Variants in RADIL observed in about 807,000 individuals in gnomAD.
RADIL encodes Rap associating with DIL domain, also known as ras-associating and dilute domain-containing protein.
Under a neutral mutation model 97.6 loss-of-function variants are expected in RADIL, and 99 were observed. The ratio of observed to expected loss-of-function variants is 1.01; its 90% CI spans 0.86 to 1.20. The LOEUF is 1.20. Ranked by LOEUF, RADIL falls within the 50% of genes most tolerant of loss-of-function variation. The pLI is 0.00. For missense variants in RADIL, 1,765 were observed against 1,498.9 expected (o/e 1.18, Z -2.93); for synonymous variants, 803 against 691.8 (o/e 1.16, Z -2.52).
At chr7:4,881,685 C>A (rs1302018646) in intron 1 of RADIL, among the ~76,000 whole-genome samples, 1 of 150,688 alleles carries the variant, frequency 6.6e-6, no homozygotes, top group African/African-American at 2.4e-5. Flanking sequence ...CGAGATCACG[C>A]CACTGCACTC....
At chr7:4,838,067 A>G in intron 2 of RADIL, 1 of 985,312 alleles carries the variant, frequency 1.0e-6, no homozygotes, top group African/African-American at 1.7e-5. Context: ...TGCAGCCCGC[A>G]GGGGGCCAGG....
rs931986694 is a variant in RADIL at position 4,832,056 on chromosome 7, C to A, written c.1454+85G>T. On this transcript the variant is annotated intron_variant, in intron 5 of 14. Transcript: ENST00000399583. ...GAGCTGACCCCAAGGCGTGGGGAGA[C>A]CCCTCGGGACTTGGCTCCCCCGGGA... The A allele has an allele frequency of 3.4e-6, 5 of 1,451,954 alleles. No homozygotes were observed. In the Admixed American group the frequency reaches 7.3e-5, roughly 21 times the overall value. The allele number at this position is 1,451,954 out of a possible 1,614,324, so 89.9% of individuals were successfully genotyped here.
chr7:4,802,591 G>T (rs1473180898), intron 11 of RADIL, among the ~76,000 whole-genome samples: 6 of 130,794 alleles, frequency 4.6e-5, no homozygotes, highest in African/African-American at 1.1e-4. Flanking sequence ...TCTAGCTGGG[G>T]GGCCCCCTCC....
chr7:4,822,407 C>A lies in RADIL; in HGVS notation c.1602G>T (p.Gln534His). 6.2e-7 allele frequency: 1 copy of A among 1,611,530 alleles called. No individual in the cohort carries two copies. The highest frequency in any genetic ancestry group is 1.3e-5 in the African/African-American group (1 of 75,060). ...CGCCAGCCGTACCTGTGATGTCCAG[C>A]TGCTCCTCCATGCTCTGCATGTAGA... ...CPLYMQSMEE[Q>H]LDITGSKESL... The change falls in exon 6 of 15, where the codon CAG (glutamine) becomes CAT (histidine). Residue 534 changes from glutamine (Q) to histidine (H), a missense_variant. Transcript: ENST00000399583. This position sits in a 1 kb window ranked among gnomAD's most constrained non-coding sequence, Gnocchi z 5.3.
intron 5 of RADIL, among the ~76,000 whole-genome samples, chr7:4,831,760 C>T (rs901964430): frequency 7.9e-5 from 12 of 151,606 alleles, no homozygotes; most frequent in African/African-American, 2.4e-4. Context: ...TGGTGGTGCA[C>T]ACCTGCAGTC....
chr7:4,876,904 A>G (rs1432915333), intron 2 of RADIL, among the ~76,000 whole-genome samples: 2 of 152,202 alleles, frequency 1.3e-5, no homozygotes, highest in Non-Finnish European at 2.9e-5. Context: ...CCTGGGACAG[A>G]TTCCTTGATT....
Position 4,880,993 on chromosome 7 carries a change from G to A in RADIL, c.-65+2603C>T, listed in dbSNP as rs1049791536. ...TGTGCACCTGTAGTCCCAGCTACTC[G>A]GGAGGCTGAGGCAGGAGGATCACCG... On this transcript the variant is annotated intron_variant, in intron 1 of 14. Transcript: ENST00000399583. This position sits in a 1 kb window ranked among gnomAD's most constrained non-coding sequence, Gnocchi z 4.5. 2.7e-5 allele frequency among the ~76,000 whole-genome samples: 4 copies of A among 150,914 alleles called. No homozygotes were observed. Among genetic ancestry groups the A allele is most frequent in the Non-Finnish European group, 4.4e-5 (3 of 67,806 alleles).
In RADIL at chr7:4,842,093, AT is replaced by A. The variant is rs1195937329; in HGVS notation, c.536-5489del. ...AGATGCAACAAGGCCAGAGGCTGGAATAGCAGCGTAGGCCTCGTAAGGGACC... is the reference window on the plus strand; with the variant it reads ...AGATGCAACAAGGCCAGAGGCTGGAAAGCAGCGTAGGCCTCGTAAGGGACC... On this transcript the variant is annotated intron_variant, in intron 2 of 14. Coordinates refer to ENST00000399583, the MANE Select transcript of RADIL (RefSeq NM_018059.5). The surrounding 1 kb of genome is among the most constrained non-coding windows in gnomAD (Gnocchi z 4.5). Among the ~76,000 whole-genome samples, 5 of 151,968 alleles carry A rather than the reference AT, an allele frequency of 3.3e-5. No individual in the cohort carries two copies. Among genetic ancestry groups the A allele is most frequent in the Non-Finnish European group, 5.9e-5 (4 of 68,000 alleles).
At position 4,801,980 on chromosome 7, in the gene RADIL, C is replaced by A. The variant is rs1782102099; in HGVS notation, c.2515G>T (p.Val839Phe). The change falls in exon 12 of 15, where the codon GTC (valine) becomes TTC (phenylalanine). Residue 839 changes from valine (V) to phenylalanine (F), a missense_variant. Transcript: ENST00000399583. The stretch of plus-strand genomic sequence containing the variant: ...GGGGCCTCCAGGTGCCCGTCAAGGA[C>A]CACGTGGTGCATACCCTAGGGAGAG... ...PVCPEGMHHVVLDGHLEAPSC... is the reference protein window; with the variant it reads ...PVCPEGMHHVFLDGHLEAPSC... 2 of 1,539,750 alleles carry A rather than the reference C, an allele frequency of 1.3e-6. No homozygotes were observed. The highest frequency in any genetic ancestry group is 1.7e-6 in the Non-Finnish European group (2 of 1,147,942).
chr7:4,803,968 T>A, intron 10 of RADIL: 2 of 651,808 alleles, frequency 3.1e-6, no homozygotes, highest in South Asian at 1.7e-5. Flanking sequence ...CGGTGTGACA[T>A]CCGAGCAGTT....
chr7:4,865,721 G>T (rs770885973), intron 2 of RADIL: 17 of 1,066,564 alleles, frequency 1.6e-5, no homozygotes, highest in Non-Finnish European at 2.5e-5. Flanking sequence ...TCTTCTACGG[G>T]GTGGGTGCAA....
intron 4 of RADIL, 125 bp from the exon 5 acceptor site, chr7:4,832,303 G>A (rs1783166627): frequency 2.2e-6 from 2 of 900,074 alleles, no homozygotes; most frequent in Non-Finnish European, 3.6e-6. Flanking sequence ...GTGTGACGCT[G>A]ACTATTTATT....
intron 5 of RADIL, among the ~76,000 whole-genome samples, chr7:4,827,470 G>A (rs1271378041): frequency 6.6e-6 from 1 of 151,326 alleles, no homozygotes; most frequent in Non-Finnish European, 1.5e-5. Context: ...GACCATCCTG[G>A]CTAACACAGT....
At position 4,820,819 on chromosome 7, in the gene RADIL, G is replaced by A. The variant is rs563636950; in HGVS notation, c.1615+1575C>T. Among the ~76,000 whole-genome samples, 10 of 152,246 alleles carry A rather than the reference G, an allele frequency of 6.6e-5. 1 individual carries two copies. Among genetic ancestry groups the A allele is most frequent in the Admixed American group, 3.3e-4 (5 of 15,302 alleles). On this transcript the variant is annotated intron_variant, in intron 6 of 14. Transcript: ENST00000399583. ...GCCCGGAGGCTGAGGACTGGGCCCC[G>A]ACGCATTGTGGGAGCCTGTCCCACC... is the stretch of plus-strand genomic sequence containing the variant.
At position 4,879,535 on chromosome 7, in the gene RADIL, GAGT is replaced by G. The variant is rs1784442638; in HGVS notation, c.-64-1335_-64-1333del. On this transcript the variant is annotated intron_variant, in intron 1 of 14. Transcript: ENST00000399583. This position sits in a 1 kb window ranked among gnomAD's most constrained non-coding sequence, Gnocchi z 4.1. ...CCTATTTTCTGGAAAGCTCTGGAAA[GAGT>G]GGTCCAGGTCCCAGTGAACACAGCA... is the stretch of plus-strand genomic sequence containing the variant. 1.3e-5 allele frequency among the ~76,000 whole-genome samples: 2 copies of G among 152,198 alleles called. No homozygotes were observed. Among genetic ancestry groups the G allele is most frequent in the Non-Finnish European group, 2.9e-5 (2 of 68,046 alleles).
At chr7:4,846,946 C>G (rs1009492587) in intron 2 of RADIL, among the ~76,000 whole-genome samples, 5 of 152,112 alleles carry the variant, frequency 3.3e-5, no homozygotes, top group African/African-American at 1.2e-4. Context: ...AAAAAATGCT[C>G]AACATCATTA....
intron 2 of RADIL, among the ~76,000 whole-genome samples, chr7:4,876,759 T>C (rs1784386133): frequency 6.6e-6 from 1 of 152,180 alleles, no homozygotes. Context: ...AGACCGACAA[T>C]GATCGGCTGC....
In RADIL at chr7:4,837,886, G is replaced by C; in HGVS notation, c.536-1281C>G. ...GAGCCCTCTGCTGAGTTCCCTGTAC[G>C]CAGCCTTTCAGGTTAAGATCCATCC... On this transcript the variant is annotated intron_variant, in intron 2 of 14. Transcript: ENST00000399583. This position sits in a 1 kb window ranked among gnomAD's most constrained non-coding sequence, Gnocchi z 5.6. 1 of 985,374 alleles carries C rather than the reference G, an allele frequency of 1.0e-6. No individual in the cohort carries two copies. Among genetic ancestry groups the C allele is most frequent in the Middle Eastern group, 5.2e-4 (1 of 1,914 alleles). The allele number at this position is 985,374 out of a possible 1,614,324, so 61.0% of individuals were successfully genotyped here.
At chr7:4,809,235 C>T (rs868718101) in intron 9 of RADIL, 2 of 985,192 alleles carry the variant, frequency 2.0e-6, no homozygotes, top group African/African-American at 3.5e-5. Flanking sequence ...CCCGCAGGGG[C>T]GCTCGGGCCT....
Sources: gnomAD v4.1 joint callset for allele counts (sites outside exome capture counted in the v4.1 genomes callset) on GRCh38, gnomAD v4.1.1 for gene constraint, Gnocchi (gnomAD v3.1) non-coding constraint, MANE v1.5 for transcripts, NCBI Gene and HGNC (gene_info 2026-07-23, HGNC 2026-07-21) for gene names.